Variants in RABIF observed in about 807,000 individuals in gnomAD.
The protein encoded by RABIF is RAB interacting factor.
Under a neutral mutation model 12.3 loss-of-function variants are expected in RABIF, and 13 were observed. The ratio of observed to expected loss-of-function variants is 1.06; its 90% CI spans 0.69 to 1.68. RABIF has a LOEUF of 1.68. Among genes scored for constraint, RABIF ranks in the 40% most tolerant of loss-of-function variants. The pLI, the probability that RABIF is intolerant of heterozygous loss-of-function variation, is 0.00. For synonymous variants in RABIF, 70 were observed against 63.3 expected, an observed-to-expected ratio of 1.11 and a Z score of -0.50; for missense variants, 153 against 158.0, an observed-to-expected ratio of 0.97 and a Z score of 0.17.
rs1392145294 is a variant in RABIF at position 202,889,092 on chromosome 1, G to A, written c.7C>T (p.Pro3Ser). 6.2e-7 allele frequency: 1 copy of A among 1,604,412 alleles called. No individual in the cohort carries two copies. Among genetic ancestry groups the A allele is most frequent in the Non-Finnish European group, 8.5e-7 (1 of 1,175,800 alleles). ...ACTAACTCGCTCGGCTGCTCCGCTG[G>A]TTCCATCGCCGCTGCCGCCACAGGC... MEPAEQPSELVSA... is the reference protein window; with the variant it reads MESAEQPSELVSA... Residue 3 changes from proline (P) to serine (S), a missense_variant, in exon 1 of 2, where the codon CCA becomes TCA. Transcript: ENST00000367262.
At chr1:202,883,725 A>G (rs1659522294) in intron 1 of RABIF, among the ~76,000 whole-genome samples, 1 of 152,224 alleles carries the variant, frequency 6.6e-6, no homozygotes, top group East Asian at 1.9e-4. Context: ...AGCACAAAGC[A>G]TCACCTGTCC....
At chr1:202,887,141 G>A (rs1385070365) in intron 1 of RABIF, among the ~76,000 whole-genome samples, 4 of 149,652 alleles carry the variant, frequency 2.7e-5, no homozygotes, top group African/African-American at 9.9e-5. Context: ...ACAAAACCTT[G>A]CCATGGAAAA....
chr1:202,886,729 T>C (rs926060392), intron 1 of RABIF, among the ~76,000 whole-genome samples: 2 of 121,290 alleles, frequency 1.6e-5, no homozygotes, highest in African/African-American at 2.8e-5. Context: ...AGCGCGTCTA[T>C]GTTTTTTTCT....
chr1:202,881,158 G>C lies in RABIF; in HGVS notation c.192C>G (p.Leu64=). ...CCTCAACCAGCCAGTGTTCCTGGAGGAGATCGCCGTCAGGATTGCTGCCGT... is the reference window on the plus strand; with the variant it reads ...CCTCAACCAGCCAGTGTTCCTGGAGCAGATCGCCGTCAGGATTGCTGCCGT... ...LSDGSNPDGD[L]LQEHWLVEDM... Residue 64 remains leucine, a synonymous_variant, in exon 2 of 2, where the codon CTC becomes CTG. Coordinates refer to ENST00000367262, the MANE Select transcript of RABIF (RefSeq NM_002871.5). 3 of 1,614,232 alleles carry C rather than the reference G, an allele frequency of 1.9e-6. No individual in the cohort carries two copies. Among genetic ancestry groups the C allele is most frequent in the Non-Finnish European group, 2.5e-6 (3 of 1,180,056 alleles).
chr1:202,887,062 TAAG>T (rs1659575220), intron 1 of RABIF, among the ~76,000 whole-genome samples: 2 of 150,344 alleles, frequency 1.3e-5, no homozygotes, highest in Admixed American at 6.6e-5. Flanking sequence ...AAAAAACAAT[TAAG>T]AATTTTAAAA....
At chr1:202,888,192 CATT>C (rs1430690032) in intron 1 of RABIF, among the ~76,000 whole-genome samples, 5 of 152,114 alleles carry the variant, frequency 3.3e-5, no homozygotes, top group Non-Finnish European at 7.3e-5. Context: ...GTTGAAATGA[CATT>C]ATATTTGCAC....
chr1:202,881,282 C>T (rs1409605103), intron 1 of RABIF, 59 bp from the exon 2 acceptor site: 1 of 1,555,238 alleles, frequency 6.4e-7, no homozygotes, highest in South Asian at 1.2e-5. Context: ...TCCATCAACA[C>T]CCCCGTTCTA....
intron 1 of RABIF, among the ~76,000 whole-genome samples, chr1:202,887,029 G>GT (rs760590068): frequency 0.092 from 2,418 of 26,206 alleles, 51 homozygotes; most frequent in African/African-American, 0.17. Context: ...GCTATGTTTT[G>GT]TTTTTTTTTT....
chr1:202,888,882 C>T, intron 1 of RABIF, 91 bp downstream of exon 1: 1 of 1,419,058 alleles, frequency 7.0e-7, no homozygotes, highest in Non-Finnish European at 9.2e-7. Context: ...GCGCGGTTGC[C>T]GGAAATTGAA....
rs774658688 is a variant in RABIF at position 202,884,807 on chromosome 1, G to A, written c.127-3584C>T. On this transcript the variant is annotated intron_variant, in intron 1 of 1. Coordinates refer to ENST00000367262, the MANE Select transcript of RABIF (RefSeq NM_002871.5). ...AGCAAAATACATCATTGTTCGGGCC[G>A]GGCACAGTGGCTCATGCCTGTAATC... 7.9e-5 allele frequency among the ~76,000 whole-genome samples: 12 copies of A among 152,036 alleles called. No homozygotes were observed. The South Asian group carries it at 8.3e-4, about 11-fold the overall frequency.
In RABIF at chr1:202,888,049, G is replaced by C. The variant is rs1289172652; in HGVS notation, c.126+924C>G. Among the ~76,000 whole-genome samples the C allele has an allele frequency of 3.3e-5, 5 of 152,160 alleles. No individual in the cohort carries two copies. The East Asian group carries it at 5.8e-4, about 18-fold the overall frequency. ...TCCCTTTTTTCCTCCTTTGATGAAA[G>C]GCTGTTTTGGACGAATGGGTACCTC... On this transcript the variant is annotated intron_variant, in intron 1 of 1. Coordinates refer to ENST00000367262, the MANE Select transcript of RABIF (RefSeq NM_002871.5).
rs1045895974 is a variant in RABIF, at chr1:202,879,595, T to A, written c.*1383A>T. 6.6e-6 allele frequency: 1 copy of A among 152,228 alleles called. No individual in the cohort carries two copies. Among genetic ancestry groups the A allele is most frequent in the African/African-American group, 2.4e-5 (1 of 41,460 alleles). The allele number at this position is 152,228 out of a possible 1,614,324, so 9.4% of individuals were successfully genotyped here. On this transcript the variant is annotated 3_prime_UTR_variant, in exon 2 of 2. Coordinates refer to ENST00000367262, the MANE Select transcript of RABIF (RefSeq NM_002871.5). ...TCTCTCAATTGCTTACTAAAGCTCA[T>A]TCAGGCTAATTGGAGAAGGAAGCCA...
chr1:202,883,895 T>G (rs1227296464), intron 1 of RABIF, among the ~76,000 whole-genome samples: 2 of 152,240 alleles, frequency 1.3e-5, no homozygotes, highest in Non-Finnish European at 2.9e-5. Context: ...TATATGCATA[T>G]GTATGTGCAT....
intron 1 of RABIF, among the ~76,000 whole-genome samples, chr1:202,886,256 G>A (rs1473867700): frequency 7.9e-6 from 1 of 126,764 alleles, no homozygotes; most frequent in Non-Finnish European, 1.7e-5. Flanking sequence ...GGGAGGGGAG[G>A]TGGGAAGGGA....
rs1659459063 is a variant in RABIF at position 202,879,614 on chromosome 1, G to A, written c.*1364C>T. 6.6e-6 allele frequency: 1 copy of A among 152,230 alleles called. No homozygotes were observed. Among genetic ancestry groups the A allele is most frequent in the Admixed American group, 6.5e-5 (1 of 15,278 alleles). 9.4% of individuals were successfully genotyped at this position (152,230 alleles called of 1,614,324 possible). A position where few individuals can be genotyped will look rare whatever the true frequency, so the allele number is the denominator to read the frequency against. ...AGCTCATTCAGGCTAATTGGAGAAGGAAGCCATCTTTCCAGGGGAGTAGGT... is the reference window on the plus strand; with the variant it reads ...AGCTCATTCAGGCTAATTGGAGAAGAAAGCCATCTTTCCAGGGGAGTAGGT... On this transcript the variant is annotated 3_prime_UTR_variant, in exon 2 of 2. Transcript: ENST00000367262.
rs879482905 is a variant in RABIF at position 202,879,860 on chromosome 1, G to A, written c.*1118C>T. 1 of 152,284 alleles carries A rather than the reference G, an allele frequency of 6.6e-6. No individual in the cohort carries two copies. Among genetic ancestry groups the A allele is most frequent in the Non-Finnish European group, 1.5e-5 (1 of 68,028 alleles). 9.4% of individuals were successfully genotyped at this position (152,284 alleles called of 1,614,324 possible). A position where few individuals can be genotyped will look rare whatever the true frequency, so the allele number is the denominator to read the frequency against. On this transcript the variant is annotated 3_prime_UTR_variant, in exon 2 of 2. Coordinates refer to ENST00000367262, the MANE Select transcript of RABIF (RefSeq NM_002871.5). ...GGTTATATAATAAACTTCCTTCTACGACAGTGAGTCATTTCAGAATAGAAA... is the reference window on the plus strand; with the variant it reads ...GGTTATATAATAAACTTCCTTCTACAACAGTGAGTCATTTCAGAATAGAAA...
At position 202,881,207 on chromosome 1, in the gene RABIF, A is replaced by G; in HGVS notation, c.143T>C (p.Met48Thr). 1.2e-6 allele frequency: 2 copies of G among 1,612,552 alleles called. No homozygotes were observed. Among genetic ancestry groups the G allele is most frequent in the South Asian group, 2.2e-5 (2 of 91,036 alleles). Residue 48 changes from methionine to threonine, a missense_variant, in exon 2 of 2, where the codon ATG becomes ACG. This residue lies in a region of RABIF where 113 missense variants were observed against 90.9 expected (regional missense o/e 1.24). Transcript: ENST00000367262. ...GTCAGACAGAGCTGGCTTCTTTCTC[A>G]TGGAGGGAAGGAAAAGCTGCAGTGG... ...FSRRQLFLPS[M>T]RKKPALSDGS...
rs1018865591 is a variant in RABIF, at chr1:202,880,894, G to A, written c.*84C>T. 1.4e-5 allele frequency: 21 copies of A among 1,552,302 alleles called. No individual in the cohort carries two copies. Among genetic ancestry groups the A allele is most frequent in the Admixed American group, 3.8e-5 (2 of 52,358 alleles). ...ATATTAGCACAGACAAGAAGGCAGCGGAACAGTTATACCACATTAAAGGCC... is the reference window on the plus strand; with the variant it reads ...ATATTAGCACAGACAAGAAGGCAGCAGAACAGTTATACCACATTAAAGGCC... On this transcript the variant is annotated 3_prime_UTR_variant, in exon 2 of 2. Coordinates refer to ENST00000367262, the MANE Select transcript of RABIF (RefSeq NM_002871.5).
intron 1 of RABIF, among the ~76,000 whole-genome samples, chr1:202,886,460 C>A (rs370967033): frequency 5.3e-5 from 8 of 151,920 alleles, no homozygotes; most frequent in African/African-American, 1.7e-4. Flanking sequence ...GTGGCGTGCA[C>A]CTGTAATCCC....
Sources: allele counts gnomAD v4.1 joint callset (sites outside exome capture counted in the v4.1 genomes callset), GRCh38; gene constraint gnomAD v4.1.1; regional missense constraint gnomAD v4.1.1; transcripts MANE v1.5; gene names NCBI Gene and HGNC (gene_info 2026-07-23, HGNC 2026-07-21).